PARD3: variants seen among roughly 807,000 people sequenced by gnomAD.
PARD3 encodes the protein par-3 family cell polarity regulator.
In PARD3, 75 loss-of-function variants were observed where a neutral mutation model predicts 155.4. The ratio of observed to expected loss-of-function variants is 0.48; its 90% confidence interval spans 0.40 to 0.58. PARD3 has a LOEUF of 0.58. PARD3 is among the 20% of genes least tolerant of loss of function. The pLI is 0.00. For synonymous variants in PARD3, 576 were observed against 610.5 expected (o/e 0.94, Z 0.83); for missense variants, 1,642 against 1,721.7 (o/e 0.95, Z 0.82).
At chr10:34,671,825 C>T (rs1038206543) in intron 2 of PARD3, among the ~76,000 whole-genome samples, 7 of 151,824 alleles carry the variant, frequency 4.6e-5, no homozygotes, top group African/African-American at 1.5e-4. Context: ...AGAAGTAGGT[C>T]ATGAATTACA....
chr10:34,131,321 AG>A lies in PARD3; in HGVS notation c.3540+141del, dbSNP rs1327088849. The A allele has an allele frequency of 5.1e-6, 4 of 782,478 alleles. No individual in the cohort carries two copies. The South Asian group carries it at 7.4e-5, about 14-fold the overall frequency. The allele number at this position is 782,478 out of a possible 1,614,324, so 48.5% of individuals were successfully genotyped here. A position where few individuals can be genotyped will look rare whatever the true frequency, so the allele number is the denominator to read the frequency against. On this transcript the variant is annotated intron_variant, in intron 23 of 24. Transcript: ENST00000374788. ...CAATGATGAAACCCAGATGGAAATGAGGAAAAGGTCAATATGTTAAAGGTCA... is the reference window on the plus strand; with the variant it reads ...CAATGATGAAACCCAGATGGAAATGAGAAAAGGTCAATATGTTAAAGGTCA...
At chr10:34,425,074 T>C (rs1445347067) in intron 5 of PARD3, among the ~76,000 whole-genome samples, 1 of 152,136 alleles carries the variant, frequency 6.6e-6, no homozygotes, top group Non-Finnish European at 1.5e-5. Flanking sequence ...ATCTTAATCA[T>C]GACCAAGACC....
chr10:34,325,938 TG>T (rs1406695486), intron 19 of PARD3, among the ~76,000 whole-genome samples: 1 of 152,004 alleles, frequency 6.6e-6, no homozygotes, highest in Non-Finnish European at 1.5e-5. Context: ...CTGGCCAACA[TG>T]GTGAAACCCC....
At chr10:34,697,391 T>C (rs1244021518) in intron 1 of PARD3, among the ~76,000 whole-genome samples, 1 of 152,158 alleles carries the variant, frequency 6.6e-6, no homozygotes, top group Non-Finnish European at 1.5e-5. Context: ...GAAGCAAAGA[T>C]TGGAAGAAGG....
chr10:34,217,821 G>T (rs548954297), intron 22 of PARD3, among the ~76,000 whole-genome samples: 89 of 152,124 alleles, frequency 5.9e-4, no homozygotes, highest in Non-Finnish European at 1.1e-3. Context: ...AGACAGGCAG[G>T]ATTCCTCCCT....
chr10:34,769,801 AAAC>A (rs1838624687), intron 1 of PARD3, among the ~76,000 whole-genome samples: 2 of 67,200 alleles, frequency 3.0e-5, no homozygotes, highest in African/African-American at 1.1e-4. Flanking sequence ...CAAAAAAACA[AAAC>A]AAAAAAAAAA....
At chr10:34,260,890 C>T (rs1236883095) in intron 22 of PARD3, among the ~76,000 whole-genome samples, 2 of 152,122 alleles carry the variant, frequency 1.3e-5, no homozygotes, top group Non-Finnish European at 2.9e-5. Flanking sequence ...TCTGTGTTTG[C>T]CAGGCTTCCC....
At chr10:34,128,666 T>G (rs1947423984) in intron 23 of PARD3, among the ~76,000 whole-genome samples, 1 of 152,190 alleles carries the variant, frequency 6.6e-6, no homozygotes, top group Non-Finnish European at 1.5e-5. Context: ...TTTTTCCTCT[T>G]TGCCTTTGCT....
At position 34,745,191 on chromosome 10, in the gene PARD3, G is replaced by A. The variant is rs73273445; in HGVS notation, c.121-48772C>T. ...AGCTTGGGCAACAAAGCAAGATCTC[G>A]TTTCTACAAAAAATGTTAAAAATCA... On this transcript the variant is annotated intron_variant, in intron 1 of 24. Transcript: ENST00000374788. Among the ~76,000 whole-genome samples, 1,378 of 152,190 alleles carry A rather than the reference G, an allele frequency of 9.1e-3. 26 individuals are homozygous for A. The highest frequency in any genetic ancestry group is 0.031 in the African/African-American group (1,286 of 41,506).
chr10:34,807,006 T>A (rs1373669834), intron 1 of PARD3, among the ~76,000 whole-genome samples: 1 of 152,170 alleles, frequency 6.6e-6, no homozygotes, highest in Non-Finnish European at 1.5e-5. Flanking sequence ...GTCCATTACG[T>A]GCATCCTTGG....
At chr10:34,593,478 T>C (rs929107898) in intron 2 of PARD3, among the ~76,000 whole-genome samples, 29 of 152,194 alleles carry the variant, frequency 1.9e-4, no homozygotes, top group African/African-American at 6.8e-4. Flanking sequence ...AGAATGTGCA[T>C]CATTTCTAAA....
chr10:34,587,079 G>A (rs1270448194), intron 2 of PARD3, among the ~76,000 whole-genome samples: 1 of 152,144 alleles, frequency 6.6e-6, no homozygotes, highest in Non-Finnish European at 1.5e-5. Flanking sequence ...AAATTAAGCA[G>A]AATGAAAATA....
intron 22 of PARD3, among the ~76,000 whole-genome samples, chr10:34,251,594 C>A (rs1223312623): frequency 1.3e-5 from 2 of 152,218 alleles, no homozygotes; most frequent in Non-Finnish European, 2.9e-5. Context: ...ACCTACATCA[C>A]ATCTTACCTT....
chr10:34,810,161 T>TA (rs1426986060), intron 1 of PARD3, among the ~76,000 whole-genome samples: 1 of 152,170 alleles, frequency 6.6e-6, no homozygotes, highest in African/African-American at 2.4e-5. Flanking sequence ...ATCTGAAACT[T>TA]ACTGAGCACC....
At chr10:34,166,661 C>T (rs897604581) in intron 22 of PARD3, among the ~76,000 whole-genome samples, 72 of 152,038 alleles carry the variant, frequency 4.7e-4, no homozygotes, top group African/African-American at 1.5e-3. Flanking sequence ...GACTCTACAC[C>T]CATGTACCCT....
At chr10:34,635,800 C>T (rs1223223660) in intron 2 of PARD3, among the ~76,000 whole-genome samples, 1 of 152,140 alleles carries the variant, frequency 6.6e-6, no homozygotes, top group Non-Finnish European at 1.5e-5. Flanking sequence ...GAACTTTCTC[C>T]TCACATTTGC....
rs143683288 is a variant in PARD3, at chr10:34,124,595, A to G, written c.3541-4855T>C. Among the ~76,000 whole-genome samples the G allele has an allele frequency of 2.2e-3, 340 of 152,268 alleles. 1 individual carries two copies. Among genetic ancestry groups the G allele is most frequent in the African/African-American group, 7.7e-3 (319 of 41,548 alleles). ...TCCGCACCCACCCACACATGCCATA[A>G]TTATGTAACTATTGACTGAACTCTT... On this transcript the variant is annotated intron_variant, in intron 23 of 24. Coordinates refer to ENST00000374788, the MANE Select transcript of PARD3 (RefSeq NM_001184785.2).
chr10:34,476,831 G>C (rs1220804014), intron 3 of PARD3, among the ~76,000 whole-genome samples: 9 of 152,206 alleles, frequency 5.9e-5, no homozygotes, highest in Admixed American at 5.9e-4. Context: ...CAGAGTTCTA[G>C]AGAATGGTGC....
At chr10:34,446,095 T>G (rs957065614) in intron 5 of PARD3, among the ~76,000 whole-genome samples, 2 of 152,172 alleles carry the variant, frequency 1.3e-5, no homozygotes, top group Non-Finnish European at 2.9e-5. Flanking sequence ...TATTTGCTTT[T>G]ACAAAGAGCC....
Sources: allele counts gnomAD v4.1 joint callset (sites outside exome capture counted in the v4.1 genomes callset), GRCh38; gene constraint gnomAD v4.1.1; transcripts MANE v1.5; gene names NCBI Gene and HGNC (gene_info 2026-07-23, HGNC 2026-07-21).